Variants in PRKG1 observed in about 807,000 individuals in gnomAD.
The protein encoded by PRKG1 is cGMP-dependent protein kinase 1.
A neutral mutation model predicts 88.1 loss-of-function variants in PRKG1; 35 were observed. The ratio of observed to expected loss-of-function variants is 0.40; its 90% confidence interval spans 0.30 to 0.53. The LOEUF (loss-of-function observed/expected upper bound fraction) is 0.53. Ranked by LOEUF, PRKG1 falls within the 20% of genes least tolerant of loss-of-function variation. The pLI, the probability that PRKG1 is intolerant of heterozygous loss-of-function variation, is 0.59. For synonymous variants in PRKG1, 303 were observed against 292.5 expected (o/e 1.04, Z -0.37); for missense variants, 540 against 839.8 (o/e 0.64, Z 4.41).
intron 10 of PRKG1, 116 bp from the exon 11 acceptor site, chr10:52,271,234 A>G: frequency 9.2e-7 from 1 of 1,087,516 alleles, no homozygotes; most frequent in Non-Finnish European, 1.3e-6. Context: ...CTGTGTTTTG[A>G]CTTGGGAGGT....
At chr10:51,766,623 A>G (rs144619378) in intron 3 of PRKG1, among the ~76,000 whole-genome samples, 34 of 152,178 alleles carry the variant, frequency 2.2e-4, no homozygotes, top group Admixed American at 1.1e-3. Flanking sequence ...TCCTACTCCT[A>G]TGGGGAAGAG....
At position 51,695,433 on chromosome 10, in the gene PRKG1, G is replaced by A. The variant is rs7086297; in HGVS notation, c.593-109152G>A. 483 of 152,162 alleles carry A rather than the reference G, an allele frequency of 3.2e-3. 3 individuals are homozygous for A. Among genetic ancestry groups the A allele is most frequent in the African/African-American group, 0.011 (449 of 41,526 alleles). 9.4% of individuals were successfully genotyped at this position (152,162 alleles called of 1,614,324 possible). ...ATCAGGCCCCATGTATATCCAGAAT[G>A]GAAGACTTTTGTATAATGTATTCAT... On this transcript the variant is annotated intron_variant, in intron 3 of 17. Coordinates refer to ENST00000373980, the MANE Select transcript of PRKG1 (RefSeq NM_006258.4).
At chr10:51,254,119 AT>A (rs1312456348) in intron 2 of PRKG1, among the ~76,000 whole-genome samples, 1 of 151,914 alleles carries the variant, frequency 6.6e-6, no homozygotes, top group East Asian at 1.9e-4. Flanking sequence ...TATATTCAAG[AT>A]TTTACCATTT....
At chr10:52,044,899 A>G (rs1356856579) in intron 5 of PRKG1, among the ~76,000 whole-genome samples, 1 of 152,122 alleles carries the variant, frequency 6.6e-6, no homozygotes, top group East Asian at 1.9e-4. Flanking sequence ...CAGTTCCGTT[A>G]TTTCCTTTAA....
At chr10:51,649,714 A>T (rs750750289) in intron 3 of PRKG1, among the ~76,000 whole-genome samples, 1 of 152,196 alleles carries the variant, frequency 6.6e-6, no homozygotes, top group Non-Finnish European at 1.5e-5. Context: ...CACACTCTAT[A>T]GTGTGGGTGC....
intron 3 of PRKG1, among the ~76,000 whole-genome samples, chr10:51,661,764 A>G (rs1840305239): frequency 6.6e-6 from 1 of 152,216 alleles, no homozygotes; most frequent in African/African-American, 2.4e-5. Context: ...ATGCTGCTAT[A>G]AAGACACATG....
chr10:51,619,840 A>C (rs1051391606), intron 3 of PRKG1, among the ~76,000 whole-genome samples: 1 of 152,154 alleles, frequency 6.6e-6, no homozygotes, highest in African/African-American at 2.4e-5. Flanking sequence ...GTTTCCAAGG[A>C]AAGGGAAGAG....
chr10:52,005,251 CTTTT>C (rs10595402), intron 5 of PRKG1, among the ~76,000 whole-genome samples: 56 of 117,744 alleles, frequency 4.8e-4, no homozygotes, highest in South Asian at 1.1e-3. Flanking sequence ...TAATGCCCAT[CTTTT>C]TTTTTTTTTT....
chr10:51,846,566 C>A (rs922124234), intron 4 of PRKG1, among the ~76,000 whole-genome samples: 1 of 152,170 alleles, frequency 6.6e-6, no homozygotes, highest in African/African-American at 2.4e-5. Flanking sequence ...TTGCCTTTTT[C>A]TGCCACTATA....
intron 2 of PRKG1, among the ~76,000 whole-genome samples, chr10:51,228,452 G>A (rs1394571578): frequency 6.6e-6 from 1 of 152,190 alleles, no homozygotes; most frequent in Non-Finnish European, 1.5e-5. Context: ...TTGCAGCTAA[G>A]TTGATTTGGA....
At chr10:51,547,345 ATAACTT>A (rs1410308897) in intron 3 of PRKG1, among the ~76,000 whole-genome samples, 3 of 145,474 alleles carry the variant, frequency 2.1e-5, no homozygotes, top group Admixed American at 1.4e-4. Flanking sequence ...AAATAGTAAA[ATAACTT>A]TGACTTGTGG....
intron 2 of PRKG1, among the ~76,000 whole-genome samples, chr10:51,358,432 G>A (rs879566966): frequency 6.6e-6 from 1 of 151,874 alleles, no homozygotes; most frequent in African/African-American, 2.4e-5. Flanking sequence ...GGAATGACAG[G>A]GTCTAAAGGA....
Position 52,233,765 on chromosome 10 carries a change from T to C in PRKG1, c.1077-17805T>C, listed in dbSNP as rs1264837532. Among the ~76,000 whole-genome samples, 391 of 150,932 alleles carry C rather than the reference T, an allele frequency of 2.6e-3. 1 individual carries two copies. Among genetic ancestry groups the C allele is most frequent in the African/African-American group, 9.1e-3 (374 of 41,246 alleles). On this transcript the variant is annotated intron_variant, in intron 9 of 17. Transcript: ENST00000373980. ...GGCGCCCGCCATTGCCCAGGCTTGC[T>C]TAGGTAAACAAAGCAGCCGGGAAGC...
At chr10:51,969,651 A>T (rs1843655430) in intron 5 of PRKG1, among the ~76,000 whole-genome samples, 2 of 152,116 alleles carry the variant, frequency 1.3e-5, no homozygotes, top group South Asian at 4.1e-4. Flanking sequence ...CAAATAACAT[A>T]TAAAAAGGAG....
In PRKG1 at chr10:51,019,983, A is replaced by G. The variant is rs1656950488; in HGVS notation, c.266+28339A>G. 2.0e-5 allele frequency among the ~76,000 whole-genome samples: 3 copies of G among 152,152 alleles called. No homozygotes were observed. The South Asian group carries it at 6.2e-4, about 31-fold the overall frequency. ...CCATTAAAATGGCTACTATAAAGAA[A>G]AAACCCAGAAAATAGCAAGTTTTGG... On this transcript the variant is annotated intron_variant, in intron 1 of 17. Transcript: ENST00000401604.
intron 9 of PRKG1, among the ~76,000 whole-genome samples, chr10:52,217,673 G>C (rs1249222567): frequency 6.6e-6 from 1 of 152,146 alleles, no homozygotes; most frequent in Non-Finnish European, 1.5e-5. Context: ...TACTGGATAG[G>C]AGACAATGGA....
intron 2 of PRKG1, among the ~76,000 whole-genome samples, chr10:51,346,284 T>C (rs1842112162): frequency 2.0e-5 from 3 of 152,236 alleles, no homozygotes; most frequent in Admixed American, 2.0e-4. Flanking sequence ...TAATAACACA[T>C]ATCTGTGTTG....
chr10:51,194,075 C>T (rs1349077811), intron 2 of PRKG1, among the ~76,000 whole-genome samples: 3 of 152,086 alleles, frequency 2.0e-5, no homozygotes, highest in Non-Finnish European at 4.4e-5. Flanking sequence ...AATTGTTTTT[C>T]ATATCTCTTA....
intron 1 of PRKG1, among the ~76,000 whole-genome samples, chr10:51,067,072 A>C (rs1843759671): frequency 6.6e-6 from 1 of 151,888 alleles, no homozygotes; most frequent in South Asian, 2.1e-4. Flanking sequence ...ATCACCACTT[A>C]AAAGATTCCA....
Sources: gnomAD v4.1 joint callset for allele counts (sites outside exome capture counted in the v4.1 genomes callset) on GRCh38, gnomAD v4.1.1 for gene constraint, MANE v1.5 for transcripts, NCBI Gene and HGNC (gene_info 2026-07-23, HGNC 2026-07-21) for gene names.